The following DUS2 variants were observed in gnomAD, a reference collection of about 807,000 sequenced individuals.
DUS2 encodes tRNA-dihydrouridine(20) synthase [NAD(P)+]-like.
A neutral mutation model predicts 71.3 loss-of-function variants in DUS2; 52 were observed. That is an observed-to-expected ratio of 0.73 (90% CI 0.58 to 0.92). The LOEUF (loss-of-function observed/expected upper bound fraction) is 0.92. Among genes scored for constraint, DUS2 ranks in the 40% least tolerant of loss-of-function variants. The probability of loss-of-function intolerance (pLI) is 0.00; values close to 1 mark genes in which losing one functional copy is unlikely to be tolerated. For synonymous variants in DUS2, 204 were observed against 227.8 expected (o/e 0.90, Z 0.94); for missense variants, 558 against 622.6 (o/e 0.90, Z 1.10).
chr16:68,023,357 T>A lies in DUS2; in HGVS notation c.-99+6T>A. The A allele has an allele frequency of 1.1e-6, 1 of 892,408 alleles. No individual in the cohort carries two copies. Among genetic ancestry groups the A allele is most frequent in the Non-Finnish European group, 1.7e-6 (1 of 596,604 alleles). 55.3% of individuals were successfully genotyped at this position (892,408 alleles called of 1,614,324 possible). On this transcript the variant is annotated splice_donor_region_variant and intron_variant, in intron 1 of 16. Coordinates refer to ENST00000565263, the MANE Select transcript of DUS2 (RefSeq NM_017803.5). ...TTTAAGAGTTCAGCTGCGAGGTCTG[T>A]AGCTCCGAATAGGGGATGGCGACAT... is the stretch of plus-strand genomic sequence containing the variant.
intron 3 of DUS2, among the ~76,000 whole-genome samples, chr16:68,039,343 G>T (rs534673533): frequency 1.3e-5 from 2 of 152,016 alleles, no homozygotes; most frequent in South Asian, 4.2e-4. Flanking sequence ...GCTCATGCCT[G>T]TGGGGGGCTA....
intron 3 of DUS2, among the ~76,000 whole-genome samples, chr16:68,038,600 C>G (rs948600208): frequency 6.6e-6 from 1 of 151,492 alleles, no homozygotes; most frequent in Admixed American, 6.6e-5. Flanking sequence ...CGTAGTGTTA[C>G]GTGCCTGTAG....
At chr16:68,029,310 A>T (rs1254376698) in intron 2 of DUS2, among the ~76,000 whole-genome samples, 1 of 151,616 alleles carries the variant, frequency 6.6e-6, no homozygotes, top group Non-Finnish European at 1.5e-5. Context: ...TTTTGTTTTT[A>T]ATTTTTATTT....
rs757401896 is a variant in DUS2, at chr16:68,049,550, G to T, written c.172G>T (p.Glu58Ter). ...GATTCAGTGCAAGAGAGTTGTTAAT[G>T]GTGAGTACAGATCTGGCTCCAGAAT... is the stretch of plus-strand genomic sequence containing the variant. ...KMIQCKRVVNEVLSTVDFVAP... is the reference protein window; with the variant it reads ...KMIQCKRVVN Residue 58 changes from glutamate (E) to a stop codon, truncating the protein, a stop_gained and splice_region_variant, in exon 4 of 17, where the codon GAG (glutamate) becomes TAG (stop). Transcript: ENST00000565263. LOFTEE classifies it high-confidence loss of function. 6.2e-7 allele frequency: 1 copy of T among 1,614,102 alleles called. No individual in the cohort carries two copies. The highest frequency in any genetic ancestry group is 1.7e-5 in the Admixed American group (1 of 60,010).
At chr16:68,053,751 GGTACATT>G in intron 5 of DUS2, 96 bp downstream of exon 5, 1 of 1,272,968 alleles carries the variant, frequency 7.9e-7, no homozygotes, top group Admixed American at 1.8e-5. Flanking sequence ...GAATACCTGG[GGTACATT>G]GTACAACGAT....
intron 11 of DUS2, 61 bp downstream of exon 11, chr16:68,070,281 C>A: frequency 6.6e-7 from 1 of 1,505,150 alleles, no homozygotes; most frequent in Non-Finnish European, 9.2e-7. Context: ...TGGGTGGTAG[C>A]CAGGCCCAGC....
At chr16:68,031,222 C>T (rs2151409131) in intron 2 of DUS2, among the ~76,000 whole-genome samples, 1 of 152,250 alleles carries the variant, frequency 6.6e-6, no homozygotes, top group Admixed American at 6.5e-5. Flanking sequence ...GGCTGGAATG[C>T]AGTGGCGTGA....
chr16:68,061,784 C>T (rs1201167553), intron 8 of DUS2, among the ~76,000 whole-genome samples: 1 of 152,172 alleles, frequency 6.6e-6, no homozygotes, highest in Admixed American at 6.6e-5. Flanking sequence ...AAGCCTCATC[C>T]TGCTTCCCAG....
intron 5 of DUS2, 56 bp from the exon 6 acceptor site, chr16:68,054,518 C>G: frequency 6.3e-7 from 1 of 1,593,880 alleles, no homozygotes; most frequent in Non-Finnish European, 8.6e-7. Context: ...GTGTGTTTGT[C>G]AGTGCATGTG....
At chr16:68,027,588 C>A (rs1286304227) in intron 2 of DUS2, among the ~76,000 whole-genome samples, 1 of 152,220 alleles carries the variant, frequency 6.6e-6, no homozygotes, top group Non-Finnish European at 1.5e-5. Flanking sequence ...CTACCATATG[C>A]CAGATTGTAT....
chr16:68,073,553 G>A (rs765706458), intron 12 of DUS2, among the ~76,000 whole-genome samples: 5 of 151,346 alleles, frequency 3.3e-5, no homozygotes, highest in Non-Finnish European at 7.4e-5. Flanking sequence ...GGGTTCAAGC[G>A]ATTCTCTTGC....
chr16:68,075,573 C>A, intron 14 of DUS2, 69 bp downstream of exon 14: 1 of 1,466,354 alleles, frequency 6.8e-7, no homozygotes, highest in South Asian at 1.4e-5. Flanking sequence ...GGCCAGCACA[C>A]TGGCTGCTGT....
At position 68,071,056 on chromosome 16, in the gene DUS2, T is replaced by C. The variant is rs769153293; in HGVS notation, c.758T>C (p.Leu253Pro). ...RAAMWNPSIF[L>P]KEGLRPLEEV... is the part of the protein sequence containing the mutation. Reference sequence around the variant, plus strand: ...GCCATGTGGAACCCATCTATCTTCCTCAAGGAGGGTCTGCGGCCCCTGGAG... The same window carrying C: ...GCCATGTGGAACCCATCTATCTTCCCCAAGGAGGGTCTGCGGCCCCTGGAG... The change falls in exon 12 of 17, where the codon CTC (leucine) becomes CCC (proline). Residue 253 changes from leucine (L) to proline (P), a missense_variant. By Grantham distance (98) the Leu-to-Pro change is moderately conservative. Transcript: ENST00000565263. 15 of 1,614,180 alleles carry C rather than the reference T, an allele frequency of 9.3e-6. No individual in the cohort carries two copies. The highest frequency in any genetic ancestry group is 1.3e-5 in the Non-Finnish European group (15 of 1,180,040).
intron 2 of DUS2, among the ~76,000 whole-genome samples, chr16:68,033,775 G>A (rs2033476595): frequency 6.6e-6 from 1 of 151,626 alleles, no homozygotes; most frequent in African/African-American, 2.4e-5. Flanking sequence ...GGGATTACAG[G>A]CGCATGCCAC....
Position 68,076,609 on chromosome 16 carries a change from A to G in DUS2, c.1083-23A>G, listed in dbSNP as rs74024128. The G allele has an allele frequency of 2.6e-3, 4,119 of 1,596,702 alleles. 91 individuals carry two copies. The African/African-American group carries it at 0.047, about 18-fold the overall frequency. ...GGAGCGGTGATGGTGGGTGACCCCA[A>G]CTGCTTCCCTTCCTTTCCCCAGGAG... On this transcript the variant is annotated intron_variant, in intron 14 of 16. Transcript: ENST00000565263.
intron 8 of DUS2, 134 bp downstream of exon 8, chr16:68,061,247 C>A: frequency 2.2e-6 from 2 of 920,838 alleles, no homozygotes; most frequent in Non-Finnish European, 3.3e-6. Flanking sequence ...TAGCGATTTC[C>A]AAAAAATTTT....
intron 3 of DUS2, among the ~76,000 whole-genome samples, chr16:68,039,604 G>C (rs929421880): frequency 3.9e-5 from 6 of 152,048 alleles, no homozygotes; most frequent in Admixed American, 2.0e-4. Context: ...TGTATTTTTA[G>C]TAGAGACGGG....
At chr16:68,050,088 T>C (rs968314844) in intron 4 of DUS2, among the ~76,000 whole-genome samples, 2 of 152,186 alleles carry the variant, frequency 1.3e-5, no homozygotes, top group African/African-American at 4.8e-5. Flanking sequence ...CTGCTTTGAT[T>C]AGAGTTGTGG....
chr16:68,073,559 C>G (rs1452901985), intron 12 of DUS2, among the ~76,000 whole-genome samples: 2 of 151,160 alleles, frequency 1.3e-5, no homozygotes, highest in African/African-American at 4.9e-5. Flanking sequence ...AAGCGATTCT[C>G]TTGCCTCAGC....
Sources: gnomAD v4.1 joint callset for allele counts (sites outside exome capture counted in the v4.1 genomes callset) on GRCh38, gnomAD v4.1.1 for gene constraint, MANE v1.5 for transcripts, NCBI Gene and HGNC (gene_info 2026-07-23, HGNC 2026-07-21) for gene names.